MAPK10: variants seen among roughly 807,000 people sequenced by gnomAD.
MAPK10 encodes the protein JNK3 alpha protein kinase.
In MAPK10, 25 loss-of-function variants were observed where a neutral mutation model predicts 59.3. The ratio of observed to expected loss-of-function variants is 0.42; its 90% CI spans 0.31 to 0.59. The LOEUF (loss-of-function observed/expected upper bound fraction) is 0.59, where lower values mean the gene tolerates loss of function less well. Among genes scored for constraint, MAPK10 ranks in the 20% least tolerant of loss-of-function variants. The probability of loss-of-function intolerance (pLI) is 0.15; values close to 1 mark genes in which losing one functional copy is unlikely to be tolerated. For missense variants in MAPK10, 351 were observed against 568.9 expected, an observed-to-expected ratio of 0.62 and a Z score of 3.90; for synonymous variants, 190 against 200.5, an observed-to-expected ratio of 0.95 and a Z score of 0.44.
intron 9 of MAPK10, among the ~76,000 whole-genome samples, chr4:86,097,750 T>C (rs1409524581): frequency 6.6e-6 from 1 of 152,110 alleles, no homozygotes; most frequent in Non-Finnish European, 1.5e-5. Context: ...AGTGAATTTT[T>C]GGCCATTTAA....
intron 2 of MAPK10, among the ~76,000 whole-genome samples, chr4:86,291,243 A>T (rs892711210): frequency 3.3e-5 from 5 of 152,214 alleles, no homozygotes; most frequent in Non-Finnish European, 5.9e-5. Flanking sequence ...GGGATAAATA[A>T]GCAAAAGAAA....
chr4:86,515,478 C>A (rs1756582098), intron 1 of MAPK10, among the ~76,000 whole-genome samples: 1 of 152,166 alleles, frequency 6.6e-6, no homozygotes, highest in Non-Finnish European at 1.5e-5. Flanking sequence ...CCCTTTTCAC[C>A]ATATCCATGC....
intron 1 of MAPK10, among the ~76,000 whole-genome samples, chr4:86,495,037 G>A (rs1204396658): frequency 6.6e-6 from 1 of 151,916 alleles, no homozygotes; most frequent in Admixed American, 6.6e-5. Context: ...TTAAGGTCCA[G>A]AAAAAACTAA....
At chr4:86,124,783 G>A (rs2059809689) in intron 4 of MAPK10, 1 of 151,940 alleles carries the variant, frequency 6.6e-6, no homozygotes, top group Admixed American at 6.6e-5. Flanking sequence ...TATATTCTAT[G>A]TGGCACCTGG....
intron 9 of MAPK10, among the ~76,000 whole-genome samples, chr4:86,096,940 T>C (rs1440187061): frequency 2.0e-5 from 3 of 151,904 alleles, no homozygotes; most frequent in Admixed American, 6.6e-5. Context: ...ATGGTTGCCA[T>C]GTGGTTTTCT....
intron 2 of MAPK10, among the ~76,000 whole-genome samples, chr4:86,311,972 A>T (rs111566949): frequency 1.6e-4 from 4 of 25,630 alleles, no homozygotes; most frequent in Non-Finnish European, 5.4e-4. Context: ...CAGACTCATA[A>T]AAAACTATTA....
At chr4:86,359,350 C>T (rs1224881148) in intron 1 of MAPK10, among the ~76,000 whole-genome samples, 2 of 143,446 alleles carry the variant, frequency 1.4e-5, no homozygotes, top group African/African-American at 5.2e-5. Context: ...CTCTCCCTTC[C>T]CTTCTGTAGC....
At chr4:86,553,430 T>C (rs1179182053) in intron 1 of MAPK10, among the ~76,000 whole-genome samples, 1 of 152,218 alleles carries the variant, frequency 6.6e-6, no homozygotes, top group East Asian at 1.9e-4. Context: ...GGTTGTACCA[T>C]GAACAGCCTC....
chr4:86,280,972 TG>T (rs1185345670), intron 2 of MAPK10, among the ~76,000 whole-genome samples: 1 of 152,060 alleles, frequency 6.6e-6, no homozygotes, highest in East Asian at 1.9e-4. Context: ...AGGCAAGGGT[TG>T]GAAAACCACC....
intron 2 of MAPK10, among the ~76,000 whole-genome samples, chr4:86,322,937 G>A (rs966394902): frequency 2.0e-5 from 3 of 152,192 alleles, no homozygotes; most frequent in Non-Finnish European, 4.4e-5. Context: ...GACTTTGGGA[G>A]GCCAAGGCGG....
At chr4:86,398,081 G>A (rs774852321) in intron 1 of MAPK10, among the ~76,000 whole-genome samples, 24 of 151,976 alleles carry the variant, frequency 1.6e-4, no homozygotes, top group Non-Finnish European at 2.4e-4. Flanking sequence ...GATAGAGGGT[G>A]AGAAGAGACA....
intron 1 of MAPK10, among the ~76,000 whole-genome samples, chr4:86,448,907 C>T (rs1167344902): frequency 6.6e-6 from 1 of 152,178 alleles, no homozygotes; most frequent in East Asian, 1.9e-4. Context: ...AGTGACAGAT[C>T]ATCAGGCATT....
chr4:86,018,908 A>C (rs1242882716), intron 13 of MAPK10, among the ~76,000 whole-genome samples: 2 of 152,236 alleles, frequency 1.3e-5, no homozygotes. Context: ...AAGACAAAAT[A>C]AAACTAAATT....
intron 3 of MAPK10, among the ~76,000 whole-genome samples, chr4:86,173,708 A>G (rs577594322): frequency 6.6e-6 from 1 of 152,334 alleles, no homozygotes. Context: ...ACAGAATGGG[A>G]GAAAAATTTT....
intron 13 of MAPK10, chr4:86,025,419 A>G: frequency 2.5e-6 from 1 of 397,580 alleles, no homozygotes; most frequent in South Asian, 1.3e-4. Context: ...CCATAAACCC[A>G]AACACAAACG....
chr4:86,463,631 T>C (rs527602402), intron 1 of MAPK10, among the ~76,000 whole-genome samples: 5 of 152,296 alleles, frequency 3.3e-5, no homozygotes, highest in East Asian at 3.9e-4. Flanking sequence ...GATATTACCA[T>C]TGTGCCACAC....
At chr4:86,430,611 T>A (rs1035803099) in intron 1 of MAPK10, among the ~76,000 whole-genome samples, 1 of 152,094 alleles carries the variant, frequency 6.6e-6, no homozygotes, top group African/African-American at 2.4e-5. Context: ...AGGCATATAA[T>A]CTAAGGAGTA....
At chr4:86,480,965 AAAC>A (rs1261914344) in intron 1 of MAPK10, among the ~76,000 whole-genome samples, 1 of 152,228 alleles carries the variant, frequency 6.6e-6, no homozygotes, top group Non-Finnish European at 1.5e-5. Flanking sequence ...TGAGGCAGGA[AAAC>A]CAACAAGGCT....
At chr4:86,335,381 T>C (rs1720580721) in intron 2 of MAPK10, among the ~76,000 whole-genome samples, 1 of 152,214 alleles carries the variant, frequency 6.6e-6, no homozygotes, top group South Asian at 2.1e-4. Context: ...AAAAATAATT[T>C]TTTAAATTTA....
Sources: gnomAD v4.1 joint callset for allele counts (sites outside exome capture counted in the v4.1 genomes callset) on GRCh38, gnomAD v4.1.1 for gene constraint, MANE v1.5 for transcripts, NCBI Gene and HGNC (gene_info 2026-07-23, HGNC 2026-07-21) for gene names.